The following EXOC4 variants were observed in gnomAD, a reference collection of about 807,000 sequenced individuals.
EXOC4 encodes exocyst complex component 4, also known as SEC8-like 1.
In EXOC4, 71 loss-of-function variants were observed where a neutral mutation model predicts 107.2. The ratio of observed to expected loss-of-function variants is 0.66; its 90% CI spans 0.55 to 0.81. EXOC4 has a LOEUF of 0.81. Among genes scored for constraint, EXOC4 ranks in the 30% least tolerant of loss-of-function variants. EXOC4 has a pLI of 0.00. For synonymous variants in EXOC4, 456 were observed against 441.2 expected (o/e 1.03, Z -0.42); for missense variants, 1,108 against 1,189.6 (o/e 0.93, Z 1.01).
chr7:133,478,347 A>T (rs930904564), intron 8 of EXOC4, among the ~76,000 whole-genome samples: 5 of 152,074 alleles, frequency 3.3e-5, no homozygotes, highest in African/African-American at 1.2e-4. Context: ...AAATGAACAA[A>T]TTGGCTTAAA....
At chr7:133,628,775 G>A (rs369189126) in intron 9 of EXOC4, among the ~76,000 whole-genome samples, 1 of 152,190 alleles carries the variant, frequency 6.6e-6, no homozygotes, top group Non-Finnish European at 1.5e-5. Flanking sequence ...CGTTAATGAA[G>A]CAATTAAGGA....
intron 10 of EXOC4, among the ~76,000 whole-genome samples, chr7:133,757,446 G>A (rs1367624589): frequency 6.6e-6 from 1 of 152,238 alleles, no homozygotes; most frequent in Non-Finnish European, 1.5e-5. Flanking sequence ...TGTCCAGGTT[G>A]AGATGAGAGA....
chr7:133,704,608 G>A (rs1365608755), intron 10 of EXOC4, among the ~76,000 whole-genome samples: 1 of 152,196 alleles, frequency 6.6e-6, no homozygotes, highest in Non-Finnish European at 1.5e-5. Context: ...ACCTGTCCTT[G>A]CTGCATCTGG....
chr7:133,773,140 T>C (rs1037928931), intron 10 of EXOC4, among the ~76,000 whole-genome samples: 2 of 152,034 alleles, frequency 1.3e-5, no homozygotes, highest in African/African-American at 2.4e-5. Context: ...AAGAAGGCTC[T>C]CAGTGCCTTT....
chr7:134,018,835 ACTAC>A (rs1408229044), intron 17 of EXOC4, among the ~76,000 whole-genome samples: 1 of 152,144 alleles, frequency 6.6e-6, no homozygotes, highest in Non-Finnish European at 1.5e-5. Context: ...TCTGTAATAG[ACTAC>A]CTGTCAGCAA....
At chr7:133,534,298 GT>G (rs1257917903) in intron 9 of EXOC4, among the ~76,000 whole-genome samples, 1 of 152,108 alleles carries the variant, frequency 6.6e-6, no homozygotes, top group Non-Finnish European at 1.5e-5. Flanking sequence ...GTAAACATAT[GT>G]TTTTGTTCTG....
At chr7:133,345,486 G>A (rs984975125) in intron 5 of EXOC4, among the ~76,000 whole-genome samples, 28 of 151,720 alleles carry the variant, frequency 1.8e-4, no homozygotes, top group Non-Finnish European at 3.5e-4. Context: ...CTGTTATCTT[G>A]CAGTCCTGTT....
rs186060609 is a variant in EXOC4, at chr7:134,019,494, T to C, written c.2687+11659T>C. Reference sequence around the variant, plus strand: ...AGTAATTATAATTACTGTTATATAATGATCTCAGCACATGACATGAACGTT... The same window carrying C: ...AGTAATTATAATTACTGTTATATAACGATCTCAGCACATGACATGAACGTT... On this transcript the variant is annotated intron_variant, in intron 17 of 17. Transcript: ENST00000253861. 4.0e-3 allele frequency among the ~76,000 whole-genome samples: 606 copies of C among 152,274 alleles called. 5 individuals carry two copies. The highest frequency in any genetic ancestry group is 0.014 in the African/African-American group (574 of 41,558).
chr7:133,829,106 G>C (rs1585181717), intron 11 of EXOC4, among the ~76,000 whole-genome samples: 2 of 152,166 alleles, frequency 1.3e-5, no homozygotes, highest in South Asian at 4.1e-4. Context: ...AAAGTGACCT[G>C]AACAACAGTC....
intron 11 of EXOC4, among the ~76,000 whole-genome samples, chr7:133,880,986 C>G (rs1461888003): frequency 1.3e-5 from 2 of 152,074 alleles, no homozygotes; most frequent in African/African-American, 2.4e-5. Flanking sequence ...AACTCTTTAG[C>G]CTGACAAACA....
chr7:133,797,325 C>T (rs751428217), intron 10 of EXOC4, among the ~76,000 whole-genome samples: 7 of 151,974 alleles, frequency 4.6e-5, no homozygotes, highest in Admixed American at 2.0e-4. Context: ...AGGATTTGAA[C>T]GTGGAAGAGT....
intron 12 of EXOC4, among the ~76,000 whole-genome samples, chr7:133,915,166 G>C (rs1283453619): frequency 1.3e-5 from 2 of 152,208 alleles, no homozygotes; most frequent in African/African-American, 4.8e-5. Context: ...ATTAGTGCAG[G>C]CTGCTCCTTT....
intron 9 of EXOC4, among the ~76,000 whole-genome samples, chr7:133,571,514 C>T (rs1801022930): frequency 1.3e-5 from 2 of 151,880 alleles, no homozygotes; most frequent in African/African-American, 4.8e-5. Context: ...ACTAAATATA[C>T]AAAAACTTAG....
At chr7:133,419,828 C>T (rs1342831054) in intron 7 of EXOC4, among the ~76,000 whole-genome samples, 1 of 152,146 alleles carries the variant, frequency 6.6e-6, no homozygotes, top group Non-Finnish European at 1.5e-5. Context: ...CTTATTATCT[C>T]ACAGTCTCTG....
At chr7:133,449,825 C>T (rs764265344) in intron 7 of EXOC4, among the ~76,000 whole-genome samples, 2 of 151,820 alleles carry the variant, frequency 1.3e-5, no homozygotes, top group East Asian at 1.9e-4. Context: ...TCTATCATCT[C>T]TCCTCCAGCT....
the EXOC4 span, among the ~76,000 whole-genome samples, chr7:134,083,853 C>T: frequency 6.6e-6 from 1 of 152,182 alleles, no homozygotes; most frequent in African/African-American, 2.4e-5. Flanking sequence ...CTGTAATCTG[C>T]CACACTCTCT....
intron 9 of EXOC4, among the ~76,000 whole-genome samples, chr7:133,616,142 G>A (rs1802190058): frequency 6.6e-6 from 1 of 152,086 alleles, no homozygotes; most frequent in Non-Finnish European, 1.5e-5. Flanking sequence ...ACTTATGTTT[G>A]TCCCTGGATT....
At chr7:134,061,506 C>T (rs1406426950) in intron 17 of EXOC4, among the ~76,000 whole-genome samples, 5 of 152,070 alleles carry the variant, frequency 3.3e-5, no homozygotes, top group Admixed American at 6.5e-5. Context: ...TTTTCATAGG[C>T]GCCCCAAGGT....
At chr7:133,668,932 G>A (rs1321193168) in intron 10 of EXOC4, among the ~76,000 whole-genome samples, 1 of 151,872 alleles carries the variant, frequency 6.6e-6, no homozygotes, top group East Asian at 1.9e-4. Flanking sequence ...AAGGGGAGGA[G>A]GTGATGGGGG....
Sources: allele counts gnomAD v4.1 joint callset (sites outside exome capture counted in the v4.1 genomes callset), GRCh38; gene constraint gnomAD v4.1.1; transcripts MANE v1.5; gene names NCBI Gene and HGNC (gene_info 2026-07-23, HGNC 2026-07-21).